The following PAFAH1B2 variants were observed in gnomAD, a reference collection of about 807,000 sequenced individuals.
PAFAH1B2 encodes platelet activating factor acetylhydrolase 1b catalytic subunit 2, also known as platelet-activating factor acetylhydrolase IB subunit alpha2.
A neutral mutation model predicts 28.0 loss-of-function variants in PAFAH1B2; 8 were observed. The ratio of observed to expected loss-of-function variants is 0.29; its 90% CI spans 0.17 to 0.52. PAFAH1B2 has a LOEUF of 0.52. PAFAH1B2 is among the 20% of genes least tolerant of loss of function. The pLI is 0.97. For missense variants in PAFAH1B2, 190 were observed against 282.6 expected (o/e 0.67, Z 2.35); for synonymous variants, 104 against 103.2 (o/e 1.01, Z -0.05).
chr11:117,152,849 G>A (rs1956182694), intron 2 of PAFAH1B2, among the ~76,000 whole-genome samples: 1 of 152,204 alleles, frequency 6.6e-6, no homozygotes, highest in South Asian at 2.1e-4. Context: ...GAGGTGGGCG[G>A]ATCACAAGGT....
Position 117,162,327 on chromosome 11 carries a change from G to T in PAFAH1B2, c.288+1066G>T, listed in dbSNP as rs116771952. 1.3e-3 allele frequency among the ~76,000 whole-genome samples: 195 copies of T among 152,184 alleles called. 1 individual carries two copies. Among genetic ancestry groups the T allele is most frequent in the African/African-American group, 4.2e-3 (175 of 41,524 alleles). On this transcript the variant is annotated intron_variant, in intron 4 of 5. Transcript: ENST00000527958. ...TTTTAAATTTCTTTTTGTAGACAGGGTCTTGGTCTTGTTATGTTGCCTAGG... is the reference window on the plus strand; with the variant it reads ...TTTTAAATTTCTTTTTGTAGACAGGTTCTTGGTCTTGTTATGTTGCCTAGG...
chr11:117,152,097 C>CT (rs1029992981), intron 1 of PAFAH1B2, among the ~76,000 whole-genome samples: 2 of 152,108 alleles, frequency 1.3e-5, no homozygotes, highest in Non-Finnish European at 2.9e-5. Flanking sequence ...CTGTAAGTGT[C>CT]TAATAACTCC....
intron 2 of PAFAH1B2, among the ~76,000 whole-genome samples, chr11:117,155,201 C>T (rs571150522): frequency 6.6e-5 from 10 of 151,858 alleles, no homozygotes; most frequent in African/African-American, 1.2e-4. Context: ...GTGATCCACG[C>T]ACCTTAGCCT....
chr11:117,169,778 G>T lies in PAFAH1B2; in HGVS notation c.*2079G>T. 1.9e-6 allele frequency: 2 copies of T among 1,056,606 alleles called. No individual in the cohort carries two copies. The highest frequency in any genetic ancestry group is 3.3e-5 in the African/African-American group (2 of 60,676). The allele number at this position is 1,056,606 out of a possible 1,614,324, so 65.5% of individuals were successfully genotyped here. ...CTGAGGTATAGTTGTATAGCAAGAA[G>T]AATTAAGCCAGATTTTTGTGTGTGG... is the stretch of plus-strand genomic sequence containing the variant. On this transcript the variant is annotated 3_prime_UTR_variant, in exon 6 of 6. Coordinates refer to ENST00000527958, the MANE Select transcript of PAFAH1B2 (RefSeq NM_002572.4).
chr11:117,155,876 A>G (rs968382040), intron 2 of PAFAH1B2, among the ~76,000 whole-genome samples: 1 of 152,098 alleles, frequency 6.6e-6, no homozygotes, highest in Non-Finnish European at 1.5e-5. Flanking sequence ...AATAGCAAAC[A>G]AAAATGTGTC....
chr11:117,172,381 TATATATATATATA>T (rs1956680842), downstream of PAFAH1B2, among the ~76,000 whole-genome samples: 64 of 5,442 alleles, frequency 0.012, no homozygotes, highest in Non-Finnish European at 0.017. Context: ...TATATATATA[TATATATATATATA>T]TATATATATA....
intron 4 of PAFAH1B2, among the ~76,000 whole-genome samples, chr11:117,162,605 TAAAA>T (rs1186205305): frequency 6.3e-4 from 78 of 124,578 alleles, no homozygotes; most frequent in Non-Finnish European, 1.2e-3. Context: ...TCTCTAGATT[TAAAA>T]AAAAAAAAAA....
intron 1 of PAFAH1B2, among the ~76,000 whole-genome samples, chr11:117,146,730 G>A (rs1399163470): frequency 6.6e-6 from 1 of 151,776 alleles, no homozygotes; most frequent in Non-Finnish European, 1.5e-5. Flanking sequence ...GCTGGGTGCT[G>A]TGACTCATTC....
At chr11:117,161,124 A>G (rs1450520076) in intron 3 of PAFAH1B2, 21 bp from the exon 4 acceptor site, 2 of 1,492,906 alleles carry the variant, frequency 1.3e-6, no homozygotes, top group South Asian at 1.2e-5. Context: ...GGTACACTAA[A>G]TCAAGTTTTT....
exon 6 of PAFAH1B2, chr11:117,176,241 A>G (rs2029974499): frequency 2.3e-6 from 1 of 435,240 alleles, no homozygotes; most frequent in Non-Finnish European, 4.1e-6. Context: ...CCTTTGGAAA[A>G]GGGGTGCAGC....
At position 117,169,979 on chromosome 11, in the gene PAFAH1B2, A is replaced by G; in HGVS notation, c.*2280A>G. ...CTTTGCTCATGTGTACAAACCTCAG[A>G]TGTTACTACATTTTATATCTACCAG... On this transcript the variant is annotated 3_prime_UTR_variant, in exon 6 of 6. Coordinates refer to ENST00000527958, the MANE Select transcript of PAFAH1B2 (RefSeq NM_002572.4). 3 of 1,053,504 alleles carry G rather than the reference A, an allele frequency of 2.8e-6. No homozygotes were observed. The highest frequency in any genetic ancestry group is 3.4e-6 in the Non-Finnish European group (3 of 871,924). 65.3% of individuals were successfully genotyped at this position (1,053,504 alleles called of 1,614,324 possible). A position where few individuals can be genotyped will look rare whatever the true frequency, so the allele number is the denominator to read the frequency against.
chr11:117,152,582 T>A, intron 2 of PAFAH1B2, 54 bp downstream of exon 2: 1 of 1,315,858 alleles, frequency 7.6e-7, no homozygotes. Context: ...CAGTTTTTTG[T>A]CTGTTTTGTT....
intron 4 of PAFAH1B2, among the ~76,000 whole-genome samples, chr11:117,161,592 T>C (rs1186626869): frequency 6.7e-6 from 1 of 149,326 alleles, no homozygotes; most frequent in Non-Finnish European, 1.5e-5. Flanking sequence ...CACTGCAACC[T>C]CCGCCTCCTG....
chr11:117,165,879 G>T (rs544101957), intron 5 of PAFAH1B2, among the ~76,000 whole-genome samples: 1 of 149,966 alleles, frequency 6.7e-6, no homozygotes, highest in African/African-American at 2.5e-5. Flanking sequence ...TCGCTCTACT[G>T]CCCAGGCTGG....
chr11:117,169,552 T>C lies in PAFAH1B2; in HGVS notation c.*1853T>C. The C allele has an allele frequency of 1.9e-6, 2 of 1,054,604 alleles. No individual in the cohort carries two copies. Among genetic ancestry groups the C allele is most frequent in the Non-Finnish European group, 2.3e-6 (2 of 872,474 alleles). 65.3% of individuals were successfully genotyped at this position (1,054,604 alleles called of 1,614,324 possible). ...GATTGAGGGATGAACCTTGGGCTCA[T>C]TTTTTTCTTGTGAAGTCTCTTTCTA... is the stretch of plus-strand genomic sequence containing the variant. On this transcript the variant is annotated 3_prime_UTR_variant, in exon 6 of 6. Transcript: ENST00000527958.
At chr11:117,161,365 C>T in intron 4 of PAFAH1B2, 104 bp downstream of exon 4, 1 of 676,346 alleles carries the variant, frequency 1.5e-6, no homozygotes, top group Non-Finnish European at 2.5e-6. Context: ...AGACCTATTT[C>T]ACTATTTTTT....
chr11:117,175,466 A>ATCT, downstream of PAFAH1B2: 1 of 1,076,724 alleles, frequency 9.3e-7, no homozygotes, highest in Non-Finnish European at 1.1e-6. Context: ...CACTCTGTAG[A>ATCT]CGCAGGGTCC....
rs1956608155 is a variant in PAFAH1B2, at chr11:117,169,832, C to T, written c.*2133C>T. 9.5e-7 allele frequency: 1 copy of T among 1,055,284 alleles called. No individual in the cohort carries two copies. The highest frequency in any genetic ancestry group is 1.7e-5 in the African/African-American group (1 of 60,516). 65.4% of individuals were successfully genotyped at this position (1,055,284 alleles called of 1,614,324 possible). A position where few individuals can be genotyped will look rare whatever the true frequency, so the allele number is the denominator to read the frequency against. The stretch of plus-strand genomic sequence containing the variant: ...GACAGTTTTCTATCCACGTCTTTTT[C>T]TGTTTGTCAGAAGGTGGGAGTATGG... On this transcript the variant is annotated 3_prime_UTR_variant, in exon 6 of 6. Transcript: ENST00000527958.
intron 1 of PAFAH1B2, among the ~76,000 whole-genome samples, chr11:117,146,114 CTTTTTTTTTT>C: frequency 7.2e-6 from 1 of 137,980 alleles, no homozygotes; most frequent in East Asian, 2.1e-4. Flanking sequence ...GTCTTTCTTT[CTTTTTTTTTT>C]TTTTTTTTTG....
Sources: allele counts gnomAD v4.1 joint callset (sites outside exome capture counted in the v4.1 genomes callset), GRCh38; gene constraint gnomAD v4.1.1; transcripts MANE v1.5; gene names NCBI Gene and HGNC (gene_info 2026-07-23, HGNC 2026-07-21).